The following TSNARE1 variants were observed in gnomAD, a reference collection of about 807,000 sequenced individuals.
TSNARE1 encodes the protein t-SNARE domain containing 1.
Under a neutral mutation model 62.0 loss-of-function variants are expected in TSNARE1, and 49 were observed. The ratio of observed to expected loss-of-function variants is 0.79; its 90% CI spans 0.63 to 1.00. The LOEUF is 1.00. TSNARE1 is among the 50% of genes least tolerant of loss of function. The pLI is 0.00. For missense variants in TSNARE1, 755 were observed against 700.1 expected, an observed-to-expected ratio of 1.08 and a Z score of -0.88; for synonymous variants, 328 against 294.4, an observed-to-expected ratio of 1.11 and a Z score of -1.17.
chr8:142,259,251 T>C (rs1180408714), intron 12 of TSNARE1, among the ~76,000 whole-genome samples: 1 of 152,212 alleles, frequency 6.6e-6, no homozygotes, highest in Non-Finnish European at 1.5e-5. Context: ...GTGAGCCTGG[T>C]ATTTATTAGA....
intron 1 of TSNARE1, among the ~76,000 whole-genome samples, chr8:142,368,360 T>C (rs1563992267): frequency 6.6e-6 from 1 of 152,188 alleles, no homozygotes; most frequent in Non-Finnish European, 1.5e-5. Context: ...AGCTGACTCA[T>C]AACTAGAGAA....
chr8:142,273,441 A>C, intron 12 of TSNARE1: 1 of 985,292 alleles, frequency 1.0e-6, no homozygotes, highest in Non-Finnish European at 1.2e-6. Flanking sequence ...GCCCTCAGCG[A>C]CTAGAGGTGC....
At chr8:142,383,132 C>T (rs1836885991) in intron 1 of TSNARE1, among the ~76,000 whole-genome samples, 1 of 152,186 alleles carries the variant, frequency 6.6e-6, no homozygotes, top group South Asian at 2.1e-4. Flanking sequence ...AGGTGGTTTT[C>T]CTACAGGCAG....
intron 12 of TSNARE1, chr8:142,247,638 G>C (rs996987018): frequency 6.6e-6 from 1 of 152,228 alleles, no homozygotes; most frequent in Non-Finnish European, 1.5e-5. Context: ...CTATTCGCAG[G>C]TGCAATCCCA....
chr8:142,316,351 C>A (rs1355134705), intron 7 of TSNARE1, among the ~76,000 whole-genome samples: 1 of 151,702 alleles, frequency 6.6e-6, no homozygotes, highest in Non-Finnish European at 1.5e-5. Context: ...TGGAAAGGCT[C>A]CAGGCCGCTC....
At chr8:142,340,270 C>T (rs1832390391) in intron 4 of TSNARE1, among the ~76,000 whole-genome samples, 1 of 152,206 alleles carries the variant, frequency 6.6e-6, no homozygotes, top group South Asian at 2.1e-4. Context: ...AGGCATGTCC[C>T]GTGTTTCCTC....
intron 13 of TSNARE1, among the ~76,000 whole-genome samples, chr8:142,226,326 A>G (rs1488665218): frequency 6.6e-6 from 1 of 152,160 alleles, no homozygotes; most frequent in Non-Finnish European, 1.5e-5. Flanking sequence ...TTGCGCATAC[A>G]TGCAGCCTGC....
chr8:142,249,054 A>G (rs532558100), intron 12 of TSNARE1, among the ~76,000 whole-genome samples: 3 of 152,294 alleles, frequency 2.0e-5, no homozygotes, highest in East Asian at 3.9e-4. Context: ...TACCTCCCCA[A>G]CAGGAACTAA....
chr8:142,346,230 G>C (rs975326642), intron 2 of TSNARE1, among the ~76,000 whole-genome samples: 1 of 152,246 alleles, frequency 6.6e-6, no homozygotes, highest in African/African-American at 2.4e-5. Context: ...AAAATGGGAA[G>C]TGCGGCTCCA....
chr8:142,346,141 T>C (rs1458411428), intron 2 of TSNARE1, among the ~76,000 whole-genome samples: 3 of 152,216 alleles, frequency 2.0e-5, no homozygotes, highest in Non-Finnish European at 4.4e-5. Context: ...GACTGCAAAC[T>C]AGCAAACAAC....
At chr8:142,334,235 A>C (rs1831450536) in intron 4 of TSNARE1, among the ~76,000 whole-genome samples, 1 of 152,158 alleles carries the variant, frequency 6.6e-6, no homozygotes, top group Admixed American at 6.5e-5. Context: ...TTGCTGTCCA[A>C]AATCTTCTAC....
At chr8:142,233,895 A>G (rs1183830125) in intron 12 of TSNARE1, among the ~76,000 whole-genome samples, 1 of 151,786 alleles carries the variant, frequency 6.6e-6, no homozygotes, top group Non-Finnish European at 1.5e-5. Flanking sequence ...CAGCCACTGC[A>G]CCCTCCCAGC....
At chr8:142,362,628 C>T (rs1243952856) in intron 1 of TSNARE1, among the ~76,000 whole-genome samples, 1 of 152,176 alleles carries the variant, frequency 6.6e-6, no homozygotes, top group East Asian at 1.9e-4. Context: ...ATCAGGAGAT[C>T]ACCCCCAGAT....
chr8:142,396,649 G>T (rs113089379), intron 1 of TSNARE1, among the ~76,000 whole-genome samples: 17 of 152,374 alleles, frequency 1.1e-4, no homozygotes, highest in Non-Finnish European at 2.2e-4. Flanking sequence ...GGGCCGGGCA[G>T]CAGAACGGTG....
chr8:142,283,506 G>C (rs1439366777), intron 11 of TSNARE1, among the ~76,000 whole-genome samples: 1 of 146,934 alleles, frequency 6.8e-6, no homozygotes, highest in Non-Finnish European at 1.5e-5. Flanking sequence ...AGCGGAGGCG[G>C]GACCAGTGTC....
At chr8:142,310,524 A>ACACGCTTCCCTC in intron 9 of TSNARE1, among the ~76,000 whole-genome samples, 1 of 151,264 alleles carries the variant, frequency 6.6e-6, no homozygotes, top group African/African-American at 2.5e-5. Context: ...GGTTCTGTTG[A>ACACGCTTCCCTC]TGAGGAGTTC....
At chr8:142,252,443 G>A (rs932733542) in intron 12 of TSNARE1, among the ~76,000 whole-genome samples, 4 of 152,186 alleles carry the variant, frequency 2.6e-5, no homozygotes, top group African/African-American at 7.2e-5. Flanking sequence ...TGGTTTCCCC[G>A]TCCTGCCCTG....
At chr8:142,270,141 G>T (rs540456838) in intron 12 of TSNARE1, 5 of 985,308 alleles carry the variant, frequency 5.1e-6, no homozygotes, top group Admixed American at 6.1e-5. Context: ...GCTCCTGCTC[G>T]CTCCCGACGG....
rs576420052 is a variant in TSNARE1, at chr8:142,269,549, G to C, written c.1446+5232C>G. On this transcript the variant is annotated intron_variant, in intron 12 of 13. Coordinates refer to ENST00000524325, the MANE Select transcript of TSNARE1 (RefSeq NM_145003.5). ...TTGCTATGCTGTCCAGGCTGGTCTC[G>C]AACTCCTGGCCTCAAGTGATCTTCC... 14 of 982,968 alleles carry C rather than the reference G, an allele frequency of 1.4e-5. No homozygotes were observed. In the South Asian group the frequency reaches 5.7e-4, roughly 40 times the overall value. 60.9% of individuals were successfully genotyped at this position (982,968 alleles called of 1,614,324 possible).
Sources: allele counts gnomAD v4.1 joint callset (sites outside exome capture counted in the v4.1 genomes callset), GRCh38; gene constraint gnomAD v4.1.1; transcripts MANE v1.5; gene names NCBI Gene and HGNC (gene_info 2026-07-23, HGNC 2026-07-21).